PHLDB2: variants seen among roughly 807,000 people sequenced by gnomAD.
PHLDB2 encodes pleckstrin homology-like domain family B member 2.
In PHLDB2, 71 loss-of-function variants were observed where a neutral mutation model predicts 123.6. The observed-to-expected ratio is 0.57, with a 90% CI of 0.47 to 0.70. PHLDB2 has a LOEUF of 0.70. Among genes scored for constraint, PHLDB2 ranks in the 30% least tolerant of loss-of-function variants. The pLI, the probability that PHLDB2 is intolerant of heterozygous loss-of-function variation, is 0.00. For missense variants in PHLDB2, 1,446 were observed against 1,519.5 expected (o/e 0.95, Z 0.80); for synonymous variants, 547 against 541.6 (o/e 1.01, Z -0.14).
chr3:111,775,567 C>G (rs1001026036), intron 1 of PHLDB2, among the ~76,000 whole-genome samples: 1 of 152,106 alleles, frequency 6.6e-6, no homozygotes, highest in African/African-American at 2.4e-5. Context: ...TTTGGTCATC[C>G]TTCCTAGACC....
intron 5 of PHLDB2, among the ~76,000 whole-genome samples, chr3:111,926,173 A>G (rs549813902): frequency 3.3e-5 from 5 of 152,378 alleles, no homozygotes; most frequent in African/African-American, 9.6e-5. Context: ...GTGCCATACA[A>G]CATGTACCTG....
intron 1 of PHLDB2, among the ~76,000 whole-genome samples, chr3:111,860,435 C>A (rs181551579): frequency 2.6e-3 from 396 of 152,326 alleles, no homozygotes; most frequent in African/African-American, 9.3e-3. Flanking sequence ...GTATTTTAAC[C>A]CTCTGTTTCT....
rs547425691 is a variant in PHLDB2 at position 111,875,577 on chromosome 3, C to G, written c.-14-8487C>G. ...GTGGCTCACACCTGTAATCCCAGCACTTTGGGAGGCCGAGGCAGGCAGATC... is the reference window on the plus strand; with the variant it reads ...GTGGCTCACACCTGTAATCCCAGCAGTTTGGGAGGCCGAGGCAGGCAGATC... On this transcript the variant is annotated intron_variant, in intron 1 of 17. Transcript: ENST00000431670. 2.6e-5 allele frequency among the ~76,000 whole-genome samples: 4 copies of G among 151,454 alleles called. No individual in the cohort carries two copies. In the South Asian group the frequency reaches 8.3e-4, roughly 32 times the overall value.
At chr3:111,906,925 G>T (rs1444655430) in intron 2 of PHLDB2, among the ~76,000 whole-genome samples, 1 of 152,120 alleles carries the variant, frequency 6.6e-6, no homozygotes, top group Non-Finnish European at 1.5e-5. Flanking sequence ...GTGTTTTCCT[G>T]ACCACAAGCC....
intron 1 of PHLDB2, among the ~76,000 whole-genome samples, chr3:111,785,619 C>T (rs2060649937): frequency 1.3e-5 from 2 of 151,992 alleles, no homozygotes; most frequent in South Asian, 2.1e-4. Flanking sequence ...CCCAAAAATA[C>T]CTAGTGTTTT....
In PHLDB2 at chr3:111,918,827, A is replaced by G. The variant is rs545304097; in HGVS notation, c.1720-245A>G. 5.9e-5 allele frequency among the ~76,000 whole-genome samples: 9 copies of G among 152,306 alleles called. No individual in the cohort carries two copies. In the South Asian group the frequency reaches 1.9e-3, roughly 32 times the overall value. ...GTAATCTCTTAGTTCTTTTAGCTTC[A>G]AAAGGATATGAATTGGTGAACTGAA... On this transcript the variant is annotated intron_variant, in intron 3 of 17. Transcript: ENST00000431670.
intron 2 of PHLDB2, chr3:111,911,826 A>G (rs1175485523): frequency 2.9e-5 from 26 of 887,554 alleles, no homozygotes; most frequent in Non-Finnish European, 4.3e-5. Flanking sequence ...TGTAAGTCAG[A>G]TACACCTTAA....
At chr3:111,925,537 A>G (rs1026292266) in intron 5 of PHLDB2, among the ~76,000 whole-genome samples, 2 of 152,224 alleles carry the variant, frequency 1.3e-5, no homozygotes, top group African/African-American at 4.8e-5. Context: ...TCTGGAGGGT[A>G]TATTTACTTG....
At chr3:111,814,668 G>A (rs1383092875) in intron 1 of PHLDB2, among the ~76,000 whole-genome samples, 2 of 150,974 alleles carry the variant, frequency 1.3e-5, no homozygotes, top group Non-Finnish European at 3.0e-5. Flanking sequence ...GTTGGCTTAT[G>A]ATTCTAGTGG....
At chr3:111,732,945 G>GT (rs1310731856) in intron 1 of PHLDB2, among the ~76,000 whole-genome samples, 1 of 152,000 alleles carries the variant, frequency 6.6e-6, no homozygotes, top group East Asian at 1.9e-4. Flanking sequence ...AACTTGGAAG[G>GT]TTTTTTAAAA....
intron 1 of PHLDB2, among the ~76,000 whole-genome samples, chr3:111,785,353 T>C (rs2060640007): frequency 6.6e-6 from 1 of 152,094 alleles, no homozygotes; most frequent in Admixed American, 6.6e-5. Context: ...TATTTCTGTT[T>C]TCTGTTTATT....
At chr3:111,960,426 A>G (rs2071327349) in intron 12 of PHLDB2, among the ~76,000 whole-genome samples, 1 of 152,242 alleles carries the variant, frequency 6.6e-6, no homozygotes, top group African/African-American at 2.4e-5. Flanking sequence ...TTATTTTCCC[A>G]GAAATGTCTG....
intron 1 of PHLDB2, among the ~76,000 whole-genome samples, chr3:111,835,130 C>T (rs1039334232): frequency 1.3e-5 from 2 of 152,082 alleles, no homozygotes; most frequent in African/African-American, 2.4e-5. Context: ...TAGGCACTTG[C>T]ACATGCCTTA....
intron 2 of PHLDB2, among the ~76,000 whole-genome samples, chr3:111,906,914 A>G (rs1366418596): frequency 6.6e-6 from 1 of 152,176 alleles, no homozygotes; most frequent in Admixed American, 6.5e-5. Context: ...GGCAGAGTAA[A>G]GTGTTTTCCT....
At chr3:111,927,227 C>A (rs36133898) in intron 5 of PHLDB2, among the ~76,000 whole-genome samples, 22,915 of 91,958 alleles carry the variant, frequency 0.25, 1,994 homozygotes, top group Non-Finnish European at 0.3. Context: ...TTTGAATGGA[C>A]CTCCCTTAAA....
intron 1 of PHLDB2, 70 bp downstream of exon 1, chr3:111,859,646 G>A (rs1389035044): frequency 6.1e-6 from 6 of 984,622 alleles, no homozygotes; most frequent in Non-Finnish European, 7.2e-6. Context: ...AGTGCGTCCC[G>A]GGGACGCTGC....
In PHLDB2 at chr3:111,796,324, T is replaced by C. The variant is rs948078542; in HGVS notation, c.-48-49497T>C. 4.6e-5 allele frequency among the ~76,000 whole-genome samples: 7 copies of C among 152,344 alleles called. No individual in the cohort carries two copies. The South Asian group carries it at 1.0e-3, about 23-fold the overall frequency. ...CAAAATACCAGAAGTGTTAAGACAC[T>C]GTCTTGTTGATTCTGCCCTCAAAAT... On this transcript the variant is annotated intron_variant, in intron 1 of 17. Coordinates refer to the PHLDB2 transcript ENST00000393923.
chr3:111,910,146 C>T (rs769217368), intron 2 of PHLDB2, among the ~76,000 whole-genome samples: 4 of 152,108 alleles, frequency 2.6e-5, no homozygotes, highest in African/African-American at 9.7e-5. Flanking sequence ...ATTTTTTCCC[C>T]TTTAACCTCT....
intron 1 of PHLDB2, among the ~76,000 whole-genome samples, chr3:111,800,456 T>C (rs1576646756): frequency 6.6e-6 from 1 of 152,248 alleles, no homozygotes; most frequent in Non-Finnish European, 1.5e-5. Flanking sequence ...TAAATTCCTA[T>C]ACTATTATGC....
Sources: gnomAD v4.1 joint callset for allele counts (sites outside exome capture counted in the v4.1 genomes callset) on GRCh38, gnomAD v4.1.1 for gene constraint, MANE v1.5 for transcripts, NCBI Gene and HGNC (gene_info 2026-07-23, HGNC 2026-07-21) for gene names.